The following C5orf22 variants were observed in gnomAD, a reference collection of about 807,000 sequenced individuals.
C5orf22 encodes UPF0489 protein C5orf22.
Under a neutral mutation model 48.7 loss-of-function variants are expected in C5orf22, and 36 were observed. The ratio of observed to expected loss-of-function variants is 0.74; its 90% CI spans 0.57 to 0.98. C5orf22 has a LOEUF of 0.98. Ranked by LOEUF, C5orf22 falls within the 50% of genes least tolerant of loss-of-function variation. The pLI is 0.00. For missense variants in C5orf22, 486 were observed against 521.9 expected (o/e 0.93, Z 0.67); for synonymous variants, 141 against 180.8 (o/e 0.78, Z 1.76).
intron 7 of C5orf22, among the ~76,000 whole-genome samples, chr5:31,549,408 G>A (rs1029007261): frequency 3.9e-5 from 6 of 152,018 alleles, no homozygotes; most frequent in South Asian, 2.1e-4. Context: ...AATGAGCAAA[G>A]CAAAAGAATA....
intron 2 of C5orf22, chr5:31,534,833 T>C (rs1472529875): frequency 6.2e-6 from 2 of 324,600 alleles, no homozygotes; most frequent in East Asian, 8.7e-5. Context: ...AGCCTGTGGA[T>C]AGCTGCTGCA....
chr5:31,539,768 C>G (rs1742336928), intron 4 of C5orf22, among the ~76,000 whole-genome samples: 1 of 151,422 alleles, frequency 6.6e-6, no homozygotes, highest in Non-Finnish European at 1.5e-5. Context: ...TCAGGCTGGG[C>G]ATGGTGGCTC....
intron 6 of C5orf22, 129 bp downstream of exon 6, chr5:31,541,531 G>A: frequency 1.1e-6 from 1 of 930,932 alleles, no homozygotes; most frequent in Non-Finnish European, 1.6e-6. Flanking sequence ...AGGCAGGAGA[G>A]GACCACTTGA....
rs568076291 is a variant in C5orf22, at chr5:31,553,155, T to G, written c.*253T>G. 1.2e-4 allele frequency: 34 copies of G among 284,954 alleles called. No homozygotes were observed. Among genetic ancestry groups the G allele is most frequent in the East Asian group, 1.4e-4 (2 of 14,200 alleles). The allele number at this position is 284,954 out of a possible 1,614,324, so 17.7% of individuals were successfully genotyped here. A position where few individuals can be genotyped will look rare whatever the true frequency, so the allele number is the denominator to read the frequency against. ...CCTTAAGTATTTTTTAGGGTTTTGT[T>G]TTTTTTTTTGTTTGTTTGTTTGTTT... On this transcript the variant is annotated 3_prime_UTR_variant, in exon 9 of 9. Transcript: ENST00000325366.
At chr5:31,533,157 G>A (rs572877776) in intron 1 of C5orf22, among the ~76,000 whole-genome samples, 1 of 151,928 alleles carries the variant, frequency 6.6e-6, no homozygotes, top group Non-Finnish European at 1.5e-5. Context: ...GCTTCGCCAC[G>A]TTAGCCAGGA....
chr5:31,534,018 C>T (rs1413977512), intron 1 of C5orf22, among the ~76,000 whole-genome samples: 2 of 152,154 alleles, frequency 1.3e-5, no homozygotes, highest in Non-Finnish European at 2.9e-5. Flanking sequence ...TCTGTTTCCC[C>T]ACATGACCTG....
Position 31,554,503 on chromosome 5 carries a change from A to G in C5orf22, c.*1601A>G, listed in dbSNP as rs1308314058. The G allele has an allele frequency of 6.6e-6, 1 of 152,206 alleles. No individual in the cohort carries two copies. Among genetic ancestry groups the G allele is most frequent in the East Asian group, 1.9e-4 (1 of 5,202 alleles). The allele number at this position is 152,206 out of a possible 1,614,324, so 9.4% of individuals were successfully genotyped here. A position where few individuals can be genotyped will look rare whatever the true frequency, so the allele number is the denominator to read the frequency against. On this transcript the variant is annotated 3_prime_UTR_variant, in exon 9 of 9. Coordinates refer to ENST00000325366, the MANE Select transcript of C5orf22 (RefSeq NM_018356.3). ...CAGCCTGACTCAGCTTTCCATTTTC[A>G]TAGGATAATATGTGCCAAAAAAGGT... is the stretch of plus-strand genomic sequence containing the variant.
chr5:31,551,817 A>G (rs901020193), intron 8 of C5orf22, among the ~76,000 whole-genome samples: 3 of 152,200 alleles, frequency 2.0e-5, no homozygotes, highest in Non-Finnish European at 4.4e-5. Context: ...CTCCAAAACT[A>G]TATAATAAAT....
chr5:31,533,676 T>C (rs752803267), intron 1 of C5orf22, among the ~76,000 whole-genome samples: 6 of 152,108 alleles, frequency 3.9e-5, no homozygotes, highest in Non-Finnish European at 7.4e-5. Context: ...CCCACCATTC[T>C]AAGTGTACCA....
intron 1 of C5orf22, 87 bp downstream of exon 1, chr5:31,532,560 C>T (rs1278918913): frequency 1.7e-6 from 2 of 1,186,144 alleles, no homozygotes; most frequent in East Asian, 2.4e-5. Flanking sequence ...ACCTTAGCAT[C>T]GGAGGCCAGA....
chr5:31,552,915 A>AT lies in C5orf22; in HGVS notation c.*15dup. On this transcript the variant is annotated 3_prime_UTR_variant, in exon 9 of 9. Coordinates refer to ENST00000325366, the MANE Select transcript of C5orf22 (RefSeq NM_018356.3). ...TCCTCCATCTTGAAACAAACAAAAC[A>AT]TTAGGCTCCTGTTGTATCTTGGTTT... 1.2e-6 allele frequency: 2 copies of AT among 1,612,340 alleles called. No individual in the cohort carries two copies. Among genetic ancestry groups the AT allele is most frequent in the Non-Finnish European group, 1.7e-6 (2 of 1,178,960 alleles).
At chr5:31,541,144 GTGTGTA>G in intron 5 of C5orf22, 131 bp from the exon 6 acceptor site, 1 of 962,084 alleles carries the variant, frequency 1.0e-6, no homozygotes, top group Non-Finnish European at 1.6e-6. Context: ...GTGTGTGTGT[GTGTGTA>G]TTGGCGAAGC....
chr5:31,534,919 C>A, intron 2 of C5orf22: 1 of 412,954 alleles, frequency 2.4e-6, no homozygotes, highest in Non-Finnish European at 4.8e-6. Context: ...ACAAAAACAG[C>A]CTAGCCAATG....
chr5:31,552,860 T>C lies in C5orf22; in HGVS notation c.1287T>C (p.Asn429=). ...ATATGCTACGTGCCCTCTATGGAAATCTAGACCTCCAAGTGTATGCAGCAG... is the reference window on the plus strand; with the variant it reads ...ATATGCTACGTGCCCTCTATGGAAACCTAGACCTCCAAGTGTATGCAGCAG... ...VLNMLRALYG[N]LDLQVYAAES... is the part of the protein sequence containing the mutation. The change falls in exon 9 of 9, where the codon AAT becomes AAC. Residue 429 remains asparagine, a synonymous_variant. Coordinates refer to ENST00000325366, the MANE Select transcript of C5orf22 (RefSeq NM_018356.3). 6.2e-7 allele frequency: 1 copy of C among 1,613,858 alleles called. No individual in the cohort carries two copies. Among genetic ancestry groups the C allele is most frequent in the Non-Finnish European group, 8.5e-7 (1 of 1,179,810 alleles).
chr5:31,542,440 G>A (rs1306502098), intron 6 of C5orf22, among the ~76,000 whole-genome samples: 4 of 105,476 alleles, frequency 3.8e-5, no homozygotes, highest in African/African-American at 1.3e-4. Flanking sequence ...AGCCTGTGGA[G>A]ACTGGACTTT....
At chr5:31,534,145 T>A in intron 1 of C5orf22, 127 bp from the exon 2 acceptor site, 1 of 826,606 alleles carries the variant, frequency 1.2e-6, no homozygotes, top group Non-Finnish European at 1.9e-6. Flanking sequence ...TTTATGTTTT[T>A]CCACTTTACA....
At chr5:31,550,244 G>A (rs1344901966) in intron 7 of C5orf22, among the ~76,000 whole-genome samples, 1 of 152,156 alleles carries the variant, frequency 6.6e-6, no homozygotes, top group African/African-American at 2.4e-5. Context: ...GCAAAACTAT[G>A]ACATAGTTAA....
chr5:31,540,383 G>A (rs1240837589), intron 4 of C5orf22, among the ~76,000 whole-genome samples: 1 of 152,128 alleles, frequency 6.6e-6, no homozygotes, highest in Non-Finnish European at 1.5e-5. Flanking sequence ...ATCCTACAAA[G>A]TTTGTATAGC....
Position 31,554,336 on chromosome 5 carries a change from G to A in C5orf22, c.*1434G>A, listed in dbSNP as rs761440143. 3 of 152,082 alleles carry A rather than the reference G, an allele frequency of 2.0e-5. No homozygotes were observed. Among genetic ancestry groups the A allele is most frequent in the Non-Finnish European group, 4.4e-5 (3 of 68,028 alleles). 9.4% of individuals were successfully genotyped at this position (152,082 alleles called of 1,614,324 possible). A position where few individuals can be genotyped will look rare whatever the true frequency, so the allele number is the denominator to read the frequency against. On this transcript the variant is annotated 3_prime_UTR_variant, in exon 9 of 9. Transcript: ENST00000325366. ...TGCCTAACTTTGTGCTAATAACGAA[G>A]GACACACATTATCATTGCCTCACAG...
Sources: allele counts gnomAD v4.1 joint callset (sites outside exome capture counted in the v4.1 genomes callset), GRCh38; gene constraint gnomAD v4.1.1; transcripts MANE v1.5; gene names NCBI Gene and HGNC (gene_info 2026-07-23, HGNC 2026-07-21).